Variants in PRKCG observed in about 807,000 individuals in gnomAD.
The protein encoded by PRKCG is protein kinase C gamma, also known as protein kinase C gamma type.
PRKCG carries 28 observed loss-of-function variants against 82.0 expected under a neutral mutation model. The ratio of observed to expected loss-of-function variants is 0.34; its 90% CI spans 0.25 to 0.47. The LOEUF (loss-of-function observed/expected upper bound fraction) is 0.47. Ranked by LOEUF, PRKCG falls within the 20% of genes least tolerant of loss-of-function variation. The pLI is 1.00. For missense variants in PRKCG, 640 were observed against 952.7 expected (o/e 0.67, Z 4.32); for synonymous variants, 383 against 376.6 (o/e 1.02, Z -0.20).
Position 53,889,182 on chromosome 19 carries a change from A to G in PRKCG, c.286-456A>G, listed in dbSNP as rs1210533174. On this transcript the variant is annotated intron_variant, in intron 3 of 17. Transcript: ENST00000263431. This position sits in a 1 kb window ranked among gnomAD's most constrained non-coding sequence, Gnocchi z 4.4. ...TGCCTAGCCTGGTCCGGAACTCCTGAGCTCAAGGCAATCCGCCCACCTCGG... is the reference window on the plus strand; with the variant it reads ...TGCCTAGCCTGGTCCGGAACTCCTGGGCTCAAGGCAATCCGCCCACCTCGG... Among the ~76,000 whole-genome samples the G allele has an allele frequency of 6.6e-6, 1 of 152,022 alleles. No homozygotes were observed. The highest frequency in any genetic ancestry group is 2.4e-5 in the African/African-American group (1 of 41,394).
In PRKCG at chr19:53,898,530, T is replaced by G. The variant is rs1021607059; in HGVS notation, c.1183T>G (p.Cys395Gly). 2 of 1,613,688 alleles carry G rather than the reference T, an allele frequency of 1.2e-6. No individual in the cohort carries two copies. The highest frequency in any genetic ancestry group is 2.7e-5 in the African/African-American group (2 of 74,874). Residue 395 changes from cysteine (C) to glycine (G), a missense_variant, in exon 11 of 18, where the codon TGC becomes GGC. Cys to Gly is a radical substitution (Grantham distance 159). Coordinates refer to ENST00000263431, the MANE Select transcript of PRKCG (RefSeq NM_002739.5). ...GATCGTCCAGGACGACGATGTGGAC[T>G]GCACGCTGGTGGAGAAACGTGTGCT... ...DVIVQDDDVD[C>G]TLVEKRVLAL...
At chr19:53,894,446 T>TTTTCTTTC (rs200682106) in intron 9 of PRKCG, among the ~76,000 whole-genome samples, 2 of 149,786 alleles carry the variant, frequency 1.3e-5, no homozygotes, top group Non-Finnish European at 2.9e-5. Flanking sequence ...ATATCCTTCT[T>TTTTCTTTC]TTTCTTTCTT....
intron 3 of PRKCG, among the ~76,000 whole-genome samples, chr19:53,887,570 C>T (rs2068640633): frequency 7.1e-6 from 1 of 139,880 alleles, no homozygotes; most frequent in African/African-American, 2.6e-5. Flanking sequence ...GTGGCTCATG[C>T]CTGTAATCCC....
Position 53,892,679 on chromosome 19 carries a change from A to C in PRKCG, c.821+36A>C. On this transcript the variant is annotated intron_variant, in intron 7 of 17. Transcript: ENST00000263431. The surrounding 1 kb of genome is among the most constrained non-coding windows in gnomAD (Gnocchi z 5.9). ...GGGCTGGGGCCTGGGGATGGAGCGC[A>C]ATATTACCATCTCCATCTGTGTGTG... 1 of 1,599,006 alleles carries C rather than the reference A, an allele frequency of 6.3e-7. No homozygotes were observed. The highest frequency in any genetic ancestry group is 8.5e-7 in the Non-Finnish European group (1 of 1,176,042).
intron 5 of PRKCG, among the ~76,000 whole-genome samples, chr19:53,890,449 G>T (rs1222677147): frequency 6.6e-6 from 1 of 151,134 alleles, no homozygotes; most frequent in Non-Finnish European, 1.5e-5. Context: ...GTACAAACGG[G>T]GTTTCACCAT....
rs920485331 is a variant in PRKCG, at chr19:53,883,563, C to T, written c.202+369C>T. 1.3e-5 allele frequency among the ~76,000 whole-genome samples: 2 copies of T among 150,254 alleles called. No individual in the cohort carries two copies. Among genetic ancestry groups the T allele is most frequent in the African/African-American group, 4.9e-5 (2 of 40,894 alleles). On this transcript the variant is annotated intron_variant, in intron 2 of 17. Coordinates refer to ENST00000263431, the MANE Select transcript of PRKCG (RefSeq NM_002739.5). This position sits in a 1 kb window ranked among gnomAD's most constrained non-coding sequence, Gnocchi z 5.4. ...CTGCCGTCGCCATGACAACACCAGC[C>T]GTCCTAGGCAGGGGCAGGCCGGGTG...
chr19:53,893,537 C>T, intron 9 of PRKCG, 146 bp downstream of exon 9: 4 of 897,062 alleles, frequency 4.5e-6, no homozygotes, highest in East Asian at 2.6e-5. Flanking sequence ...CTGAATAATC[C>T]AGGATCCAGA....
chr19:53,904,521 A>T, intron 15 of PRKCG, 114 bp from the exon 16 acceptor site: 1 of 817,214 alleles, frequency 1.2e-6, no homozygotes, highest in East Asian at 2.7e-5. Context: ...TCAGGTGTGC[A>T]TGTGGGGCGT....
chr19:53,893,131 GCTGGCCTTTCCTTCCACCC>G (rs2068692398), intron 8 of PRKCG, 56 bp downstream of exon 8: 1 of 1,540,654 alleles, frequency 6.5e-7, no homozygotes, highest in Admixed American at 1.8e-5. Context: ...ACGGTTCAGA[GCTGGCCTTTCCTTCCACCC>G]CTGAGTGCCC....
chr19:53,887,965 G>T (rs992247907), intron 3 of PRKCG, among the ~76,000 whole-genome samples: 2 of 152,164 alleles, frequency 1.3e-5, no homozygotes, highest in Admixed American at 6.5e-5. Context: ...GCGTGGTGAG[G>T]CCACCTAGCT....
In PRKCG at chr19:53,884,291, C is replaced by T; in HGVS notation, c.285+48C>T. On this transcript the variant is annotated intron_variant, in intron 3 of 17. Transcript: ENST00000263431. This position sits in a 1 kb window ranked among gnomAD's most constrained non-coding sequence, Gnocchi z 4.6. ...CTCCTCCTCGGGCCGTGCCCCCGCC[C>T]TCACCCCCTCGGCGTCCGTCCCAAT... 6.5e-7 allele frequency: 1 copy of T among 1,549,028 alleles called. No individual in the cohort carries two copies. The highest frequency in any genetic ancestry group is 2.2e-5 in the East Asian group (1 of 44,526).
In PRKCG at chr19:53,898,519, A is replaced by G. The variant is rs1414999642; in HGVS notation, c.1172A>G (p.Asp391Gly). The change falls in exon 11 of 18, where the codon GAC (aspartate) becomes GGC (glycine). Residue 391 changes from aspartate to glycine, a missense_variant. Transcript: ENST00000263431. ...ILKKDVIVQDDDVDCTLVEKR... is the reference protein window; with the variant it reads ...ILKKDVIVQDGDVDCTLVEKR... ...AAAAAGGACGTGATCGTCCAGGACG[A>G]CGATGTGGACTGCACGCTGGTGGAG... The G allele has an allele frequency of 6.2e-7, 1 of 1,613,686 alleles. No homozygotes were observed. The highest frequency in any genetic ancestry group is 8.5e-7 in the Non-Finnish European group (1 of 1,180,006).
chr19:53,902,913 AAAAC>A (rs922032180), intron 14 of PRKCG, among the ~76,000 whole-genome samples, 156 bp from the exon 15 acceptor site: 1 of 150,662 alleles, frequency 6.6e-6, no homozygotes, highest in Non-Finnish European at 1.5e-5. Context: ...AAAAAAAAAA[AAAAC>A]GAAACAAAAA....
chr19:53,898,586 G>T lies in PRKCG; in HGVS notation c.1239G>T (p.Arg413=). The T allele has an allele frequency of 6.2e-7, 1 of 1,605,174 alleles. No individual in the cohort carries two copies. Among genetic ancestry groups the T allele is most frequent in the Non-Finnish European group, 8.5e-7 (1 of 1,176,730 alleles). Residue 413 remains arginine, a synonymous_variant, in exon 11 of 18, where the codon CGG becomes CGT. Coordinates refer to ENST00000263431, the MANE Select transcript of PRKCG (RefSeq NM_002739.5). The part of the protein sequence containing the change: ...LALGGRGPGG[R]PHFLTQLHST... Reference sequence around the variant, plus strand: ...TGGGGGGCCGGGGTCCTGGCGGCCGGCCCCACTTCCTCACCCAGCTCCACT... The same window carrying T: ...TGGGGGGCCGGGGTCCTGGCGGCCGTCCCCACTTCCTCACCCAGCTCCACT...
chr19:53,888,100 T>C (rs1049930498), intron 3 of PRKCG, among the ~76,000 whole-genome samples: 6 of 152,210 alleles, frequency 3.9e-5, no homozygotes, highest in African/African-American at 1.4e-4. Context: ...GTGGATGGTT[T>C]GTGTGTCAGG....
At chr19:53,890,934 T>C (rs1340836279) in intron 5 of PRKCG, among the ~76,000 whole-genome samples, 2 of 151,728 alleles carry the variant, frequency 1.3e-5, no homozygotes, top group Non-Finnish European at 2.9e-5. Flanking sequence ...GTATTTTTAG[T>C]AGAGACAGGG....
In PRKCG at chr19:53,900,587, G is replaced by A; in HGVS notation, c.1437-24G>A. 1 of 1,614,192 alleles carries A rather than the reference G, an allele frequency of 6.2e-7. No homozygotes were observed. Among genetic ancestry groups the A allele is most frequent in the Non-Finnish European group, 8.5e-7 (1 of 1,180,028 alleles). ...GAACTCAACACTTCTTGCAATTCCT[G>A]CCCCACACCCCTGCATCGTCCAGGG... On this transcript the variant is annotated intron_variant, in intron 13 of 17. Transcript: ENST00000263431. This position sits in a 1 kb window ranked among gnomAD's most constrained non-coding sequence, Gnocchi z 4.2.
At position 53,899,234 on chromosome 19, in the gene PRKCG, G is replaced by A. The variant is rs73056745; in HGVS notation, c.1281+606G>A. Among the ~76,000 whole-genome samples the A allele has an allele frequency of 0.011, 1,681 of 152,226 alleles. 55 individuals are homozygous for A. The East Asian group carries it at 0.12, about 11-fold the overall frequency. The stretch of plus-strand genomic sequence containing the variant: ...TCGTGAAGCGGTTGAGTTCCTTGGG[G>A]GCGTGGCCAGGTGGATGGGCTCTTG... On this transcript the variant is annotated intron_variant, in intron 11 of 17. Coordinates refer to ENST00000263431, the MANE Select transcript of PRKCG (RefSeq NM_002739.5).
In PRKCG at chr19:53,889,581, C is replaced by G. The variant is rs1241897709; in HGVS notation, c.286-57C>G. ...AGGAGGAAAAGATAAAAGGGCCCCT[C>G]CCCTGGGGTTTTAGGACCCTCCCAA... is the stretch of plus-strand genomic sequence containing the variant. On this transcript the variant is annotated intron_variant, in intron 3 of 17. Coordinates refer to ENST00000263431, the MANE Select transcript of PRKCG (RefSeq NM_002739.5). The surrounding 1 kb of genome is among the most constrained non-coding windows in gnomAD (Gnocchi z 4.4). The G allele has an allele frequency of 6.7e-6, 9 of 1,340,026 alleles. No individual in the cohort carries two copies. Among genetic ancestry groups the G allele is most frequent in the South Asian group, 5.9e-5 (5 of 84,420 alleles). The allele number at this position is 1,340,026 out of a possible 1,614,324, so 83.0% of individuals were successfully genotyped here.
Sources: allele counts gnomAD v4.1 joint callset (sites outside exome capture counted in the v4.1 genomes callset), GRCh38; gene constraint gnomAD v4.1.1; non-coding constraint Gnocchi (gnomAD v3.1); transcripts MANE v1.5; gene names NCBI Gene and HGNC (gene_info 2026-07-23, HGNC 2026-07-21).